Variants in SLC25A48 observed in about 807,000 individuals in gnomAD.
The protein encoded by SLC25A48 is solute carrier family 25 member 48.
SLC25A48 carries 29 observed loss-of-function variants against 32.2 expected under a neutral mutation model. That is an observed-to-expected ratio of 0.90 (90% confidence interval 0.67 to 1.23). The LOEUF is 1.23. SLC25A48 is among the 50% of genes most tolerant of loss of function. SLC25A48 has a pLI of 0.00. For synonymous variants in SLC25A48, 164 were observed against 172.3 expected, an observed-to-expected ratio of 0.95 and a Z score of 0.38; for missense variants, 399 against 422.7, an observed-to-expected ratio of 0.94 and a Z score of 0.49.
rs1377655358 is a variant in SLC25A48 at position 135,635,533 on chromosome 5, T to A, written c.-521+577T>A. On this transcript the variant is annotated intron_variant, in intron 3 of 10. Coordinates refer to the SLC25A48 transcript ENST00000646290. ...CCTTAGAGGTTATCTTACCAGCCAA[T>A]GCTTTAGTGCAGGATTTCATCTACA... Among the ~76,000 whole-genome samples, 3 of 152,230 alleles carry A rather than the reference T, an allele frequency of 2.0e-5. No individual in the cohort carries two copies. The South Asian group carries it at 6.2e-4, about 32-fold the overall frequency.
At chr5:135,598,454 T>C (rs1433117456) in intron 1 of SLC25A48, among the ~76,000 whole-genome samples, 1 of 152,218 alleles carries the variant, frequency 6.6e-6, no homozygotes, top group African/African-American at 2.4e-5. Context: ...TACAATGGCA[T>C]ACTGTTAACT....
intron 3 of SLC25A48, among the ~76,000 whole-genome samples, chr5:135,851,121 T>C (rs570153689): frequency 3.3e-5 from 5 of 152,340 alleles, no homozygotes; most frequent in African/African-American, 1.2e-4. Context: ...GGTGGAACCC[T>C]GTCGCAGCCC....
intron 4 of SLC25A48, among the ~76,000 whole-genome samples, chr5:135,815,498 C>T (rs1757693473): frequency 6.6e-6 from 1 of 152,110 alleles, no homozygotes; most frequent in South Asian, 2.1e-4. Context: ...TATAAAGGCA[C>T]CAAAAGCTGC....
intron 3 of SLC25A48, among the ~76,000 whole-genome samples, chr5:135,734,840 G>A (rs1362089022): frequency 2.6e-5 from 3 of 117,530 alleles, no homozygotes; most frequent in Non-Finnish European, 2.0e-5. Flanking sequence ...AAAAAAAGAA[G>A]AAGAAGAAGG....
At chr5:135,724,333 C>A (rs1415547444) in intron 3 of SLC25A48, among the ~76,000 whole-genome samples, 2 of 152,244 alleles carry the variant, frequency 1.3e-5, no homozygotes, top group East Asian at 1.9e-4. Context: ...AGTCTAATGG[C>A]TCTTAAATGT....
chr5:135,794,979 T>C (rs11748719), intron 3 of SLC25A48, among the ~76,000 whole-genome samples: 98,989 of 151,224 alleles, frequency 0.65, 34,351 homozygotes, highest in Non-Finnish European at 0.77. Context: ...ATATGGTTCC[T>C]AATATCCAGG....
intron 3 of SLC25A48, among the ~76,000 whole-genome samples, chr5:135,660,365 C>G (rs769951471): frequency 1.3e-5 from 2 of 152,188 alleles, no homozygotes; most frequent in African/African-American, 2.4e-5. Flanking sequence ...CTGACAACCA[C>G]TACTATGGTC....
At chr5:135,792,003 G>A (rs1160357992) in intron 3 of SLC25A48, among the ~76,000 whole-genome samples, 1 of 151,744 alleles carries the variant, frequency 6.6e-6, no homozygotes, top group East Asian at 1.9e-4. Flanking sequence ...ACTTTAGGAA[G>A]ATATAACTCC....
At chr5:135,870,497 A>G (rs57453222) in intron 4 of SLC25A48, among the ~76,000 whole-genome samples, 9,732 of 152,196 alleles carry the variant, frequency 0.064, 726 homozygotes, top group African/African-American at 0.18. Context: ...GCTGGAGACA[A>G]ACAACCCCTG....
chr5:135,706,246 A>C (rs1754504842), intron 3 of SLC25A48, among the ~76,000 whole-genome samples: 1 of 152,100 alleles, frequency 6.6e-6, no homozygotes, highest in African/African-American at 2.4e-5. Context: ...ACTCCTGGTG[A>C]CTTGTGGCAG....
At position 135,764,540 on chromosome 5, in the gene SLC25A48, T is replaced by A. The variant is rs148591700; in HGVS notation, c.-520-47983T>A. On this transcript the variant is annotated intron_variant, in intron 3 of 10. Transcript: ENST00000646290. ...ACCCCTAATATCACGGGGAGTGTGATATTGTTCGTAATATCCAGGGAGAAA... is the reference window on the plus strand; with the variant it reads ...ACCCCTAATATCACGGGGAGTGTGAAATTGTTCGTAATATCCAGGGAGAAA... Among the ~76,000 whole-genome samples the A allele has an allele frequency of 5.3e-3, 782 of 148,188 alleles. 4 individuals are homozygous for A. Among genetic ancestry groups the A allele is most frequent in the African/African-American group, 0.019 (751 of 40,052 alleles).
intron 1 of SLC25A48, among the ~76,000 whole-genome samples, chr5:135,588,294 A>G (rs1751419623): frequency 6.6e-6 from 1 of 152,280 alleles, no homozygotes; most frequent in Non-Finnish European, 1.5e-5. Context: ...TGGAGGAAAA[A>G]AAGCCACTAA....
intron 3 of SLC25A48, among the ~76,000 whole-genome samples, chr5:135,805,571 T>TATTACTTTTA (rs917741444): frequency 2.6e-5 from 4 of 151,656 alleles, no homozygotes; most frequent in African/African-American, 9.7e-5. Flanking sequence ...CATAGGGAGA[T>TATTACTTTTA]ATTACTTTTA....
intron 3 of SLC25A48, among the ~76,000 whole-genome samples, chr5:135,793,999 A>T (rs1345490218): frequency 6.6e-6 from 1 of 151,752 alleles, no homozygotes; most frequent in African/African-American, 2.4e-5. Context: ...TATTTCTTTG[A>T]TATTGTTCCT....
chr5:135,625,834 A>G (rs1224741030), intron 1 of SLC25A48, among the ~76,000 whole-genome samples: 1 of 152,190 alleles, frequency 6.6e-6, no homozygotes, highest in Non-Finnish European at 1.5e-5. Context: ...GGAGACCCTC[A>G]GAGTCCCACT....
At chr5:135,820,382 G>T (rs914353317) in intron 4 of SLC25A48, among the ~76,000 whole-genome samples, 1 of 152,152 alleles carries the variant, frequency 6.6e-6, no homozygotes, top group South Asian at 2.1e-4. Flanking sequence ...GCACATCAGT[G>T]GTTGCTTGGA....
intron 3 of SLC25A48, among the ~76,000 whole-genome samples, chr5:135,759,225 G>GTA (rs757790485): frequency 3.6e-4 from 54 of 151,996 alleles, no homozygotes; most frequent in African/African-American, 1.1e-3. Flanking sequence ...ATCTGTGTGT[G>GTA]TATATATATA....
chr5:135,850,563 C>T (rs1410447187), intron 3 of SLC25A48, 67 bp downstream of exon 3: 32 of 1,487,172 alleles, frequency 2.2e-5, no homozygotes, highest in South Asian at 5.7e-5. Context: ...ACCAGGGCCA[C>T]AGCCCCACAC....
chr5:135,860,877 C>T (rs909116233), intron 4 of SLC25A48, among the ~76,000 whole-genome samples: 1 of 152,172 alleles, frequency 6.6e-6, no homozygotes, highest in African/African-American at 2.4e-5. Context: ...GCCAAGAGGC[C>T]TCTGGCTTCT....
Sources: gnomAD v4.1 joint callset for allele counts (sites outside exome capture counted in the v4.1 genomes callset) on GRCh38, gnomAD v4.1.1 for gene constraint, MANE v1.5 for transcripts, NCBI Gene and HGNC (gene_info 2026-07-23, HGNC 2026-07-21) for gene names.